ERC2: variants seen among roughly 807,000 people sequenced by gnomAD.
ERC2 encodes ERC protein 2.
ERC2 carries 42 observed loss-of-function variants against 114.8 expected under a neutral mutation model. That is an observed-to-expected ratio of 0.37 (90% confidence interval 0.29 to 0.47). The LOEUF (loss-of-function observed/expected upper bound fraction) is 0.47. Ranked by LOEUF, ERC2 falls within the 20% of genes least tolerant of loss-of-function variation. ERC2 has a pLI of 0.99. For synonymous variants in ERC2, 454 were observed against 425.5 expected, an observed-to-expected ratio of 1.07 and a Z score of -0.82; for missense variants, 939 against 1,150.7, an observed-to-expected ratio of 0.82 and a Z score of 2.66.
At chr3:55,623,652 C>A (rs569872597) in intron 17 of ERC2, among the ~76,000 whole-genome samples, 1 of 152,256 alleles carries the variant, frequency 6.6e-6, no homozygotes, top group African/African-American at 2.4e-5. Flanking sequence ...TCCTTCCCAC[C>A]AAACTATTCA....
At chr3:56,095,257 A>G (rs1226957400) in intron 6 of ERC2, among the ~76,000 whole-genome samples, 2 of 152,158 alleles carry the variant, frequency 1.3e-5, no homozygotes, top group African/African-American at 4.8e-5. Flanking sequence ...ATATAGATAT[A>G]TGAAAAAATT....
At chr3:56,365,476 C>T (rs542609609) in intron 2 of ERC2, among the ~76,000 whole-genome samples, 4 of 152,336 alleles carry the variant, frequency 2.6e-5, no homozygotes, top group South Asian at 2.1e-4. Context: ...GCTAACAACA[C>T]GTTTCTCAGA....
At chr3:56,352,563 G>A (rs898981685) in intron 2 of ERC2, among the ~76,000 whole-genome samples, 2 of 152,190 alleles carry the variant, frequency 1.3e-5, no homozygotes, top group African/African-American at 2.4e-5. Context: ...TGCACCCACT[G>A]TATTAGTTAT....
chr3:56,128,109 T>C (rs1223562393), intron 6 of ERC2, among the ~76,000 whole-genome samples: 1 of 152,016 alleles, frequency 6.6e-6, no homozygotes, highest in African/African-American at 2.4e-5. Flanking sequence ...AAAAAAAAGA[T>C]TTGTAAGTGA....
At chr3:55,970,699 G>T (rs2069092938) in intron 12 of ERC2, among the ~76,000 whole-genome samples, 1 of 152,174 alleles carries the variant, frequency 6.6e-6, no homozygotes, top group South Asian at 2.1e-4. Flanking sequence ...AGAAGTGTTG[G>T]TGAGAATGCA....
intron 14 of ERC2, among the ~76,000 whole-genome samples, chr3:55,851,882 C>T (rs950200624): frequency 2.6e-5 from 4 of 152,218 alleles, no homozygotes; most frequent in East Asian, 3.9e-4. Flanking sequence ...TTGCACAGAA[C>T]ATGGTGTCCT....
chr3:55,606,598 G>A (rs937554245), intron 17 of ERC2: 2 of 152,184 alleles, frequency 1.3e-5, no homozygotes, highest in Non-Finnish European at 2.9e-5. Flanking sequence ...TTCTACACTG[G>A]TGGGAATCAT....
intron 9 of ERC2, among the ~76,000 whole-genome samples, chr3:56,008,283 C>T (rs977617058): frequency 6.6e-6 from 1 of 152,078 alleles, no homozygotes; most frequent in African/African-American, 2.4e-5. Flanking sequence ...ATAAAAATCA[C>T]CATCATCCAG....
chr3:56,176,102 G>A (rs2082961111), intron 3 of ERC2, among the ~76,000 whole-genome samples: 1 of 152,174 alleles, frequency 6.6e-6, no homozygotes, highest in Non-Finnish European at 1.5e-5. Context: ...CAGAAAGTAA[G>A]TCACTTGTCA....
At chr3:55,854,050 C>T (rs1035399528) in intron 14 of ERC2, among the ~76,000 whole-genome samples, 8 of 152,066 alleles carry the variant, frequency 5.3e-5, no homozygotes, top group African/African-American at 1.7e-4. Context: ...CGAGGAGGGC[C>T]GATCACCTGA....
intron 1 of ERC2, among the ~76,000 whole-genome samples, chr3:56,464,971 T>A (rs553262112): frequency 6.6e-6 from 1 of 152,214 alleles, no homozygotes; most frequent in Non-Finnish European, 1.5e-5. Flanking sequence ...TCAAAGACTC[T>A]TTAGGTAAAT....
chr3:55,772,288 A>G (rs1575555238), intron 14 of ERC2, among the ~76,000 whole-genome samples: 1 of 150,948 alleles, frequency 6.6e-6, no homozygotes, highest in East Asian at 2.0e-4. Flanking sequence ...GACTGCAGGC[A>G]TGCACCACCA....
intron 17 of ERC2, among the ~76,000 whole-genome samples, chr3:55,622,906 A>C (rs1180834299): frequency 6.6e-6 from 1 of 152,150 alleles, no homozygotes; most frequent in East Asian, 1.9e-4. Flanking sequence ...GCTGATTCAA[A>C]CCCAGAAAAT....
At chr3:55,785,050 G>C (rs2069374297) in intron 14 of ERC2, among the ~76,000 whole-genome samples, 1 of 152,042 alleles carries the variant, frequency 6.6e-6, no homozygotes, top group Non-Finnish European at 1.5e-5. Flanking sequence ...ACTGTGGAGG[G>C]CTCGGAAAGG....
intron 2 of ERC2, among the ~76,000 whole-genome samples, chr3:56,302,564 G>C (rs1029986010): frequency 2.6e-5 from 4 of 152,214 alleles, no homozygotes; most frequent in African/African-American, 9.7e-5. Context: ...CTCTCTGAGT[G>C]AAAGGTACGA....
intron 1 of ERC2, among the ~76,000 whole-genome samples, chr3:56,450,207 C>T (rs775090380): frequency 6.2e-4 from 95 of 152,338 alleles, no homozygotes; most frequent in Admixed American, 1.6e-3. Context: ...CACATCAGTA[C>T]TCTCTCCTTT....
intron 2 of ERC2, among the ~76,000 whole-genome samples, chr3:56,428,545 A>G (rs1312557976): frequency 3.7e-5 from 1 of 26,950 alleles, no homozygotes; most frequent in African/African-American, 1.4e-4. Context: ...GGCAGAAAGG[A>G]AGGAAGGAAG....
chr3:56,120,649 T>C (rs961902712), intron 6 of ERC2, among the ~76,000 whole-genome samples: 1 of 152,202 alleles, frequency 6.6e-6, no homozygotes, highest in African/African-American at 2.4e-5. Flanking sequence ...GGAGGGAATG[T>C]CCACAGAATG....
At chr3:56,187,305 T>G (rs116121443) in intron 3 of ERC2, among the ~76,000 whole-genome samples, 2,181 of 152,218 alleles carry the variant, frequency 0.014, 57 homozygotes, top group African/African-American at 0.049. Flanking sequence ...CACTGGAGGA[T>G]GGGTGCATCT....
Sources: gnomAD v4.1 joint callset for allele counts (sites outside exome capture counted in the v4.1 genomes callset) on GRCh38, gnomAD v4.1.1 for gene constraint, MANE v1.5 for transcripts, NCBI Gene and HGNC (gene_info 2026-07-23, HGNC 2026-07-21) for gene names.